The following TOM1L2 variants were observed in gnomAD, a reference collection of about 807,000 sequenced individuals.
TOM1L2 encodes the protein TOM1-like protein 2.
A neutral mutation model predicts 67.9 loss-of-function variants in TOM1L2; 31 were observed. The ratio of observed to expected loss-of-function variants is 0.46; its 90% confidence interval spans 0.34 to 0.62. TOM1L2 has a LOEUF of 0.62. Among genes scored for constraint, TOM1L2 ranks in the 20% least tolerant of loss-of-function variants. TOM1L2 has a pLI of 0.01. For synonymous variants in TOM1L2, 256 were observed against 254.0 expected, an observed-to-expected ratio of 1.01 and a Z score of -0.07; for missense variants, 606 against 663.5, an observed-to-expected ratio of 0.91 and a Z score of 0.95.
At position 17,913,634 on chromosome 17, in the gene TOM1L2, T is replaced by C. The variant is rs562488071; in HGVS notation, c.53-6103A>G. The stretch of plus-strand genomic sequence containing the variant: ...TCTGCAAAATGAAAAGAAAGAAGCA[T>C]TCTTTTTGGGTTGGTTCTTTATAAT... On this transcript the variant is annotated intron_variant, in intron 1 of 14. Coordinates refer to ENST00000379504, the MANE Select transcript of TOM1L2 (RefSeq NM_001082968.2). Among the ~76,000 whole-genome samples the C allele has an allele frequency of 2.6e-5, 4 of 152,284 alleles. No individual in the cohort carries two copies. The South Asian group carries it at 8.3e-4, about 32-fold the overall frequency.
intron 7 of TOM1L2, 57 bp from the exon 8 acceptor site, chr17:17,869,530 ATCTCCTTTG>A: frequency 6.5e-7 from 1 of 1,536,966 alleles, no homozygotes; most frequent in Non-Finnish European, 8.7e-7. Flanking sequence ...GTCACATTCT[ATCTCCTTTG>A]AAAAAATTTG....
chr17:17,875,364 T>A (rs1445200469), intron 7 of TOM1L2, among the ~76,000 whole-genome samples: 1 of 151,788 alleles, frequency 6.6e-6, no homozygotes, highest in African/African-American at 2.4e-5. Flanking sequence ...CACCTGCATG[T>A]CCTCTGTGGT....
chr17:17,968,914 C>T (rs1168411135), intron 1 of TOM1L2, among the ~76,000 whole-genome samples: 1 of 152,264 alleles, frequency 6.6e-6, no homozygotes, highest in Non-Finnish European at 1.5e-5. Flanking sequence ...AGAAGCCAGT[C>T]CCTGTCACCC....
intron 8 of TOM1L2, among the ~76,000 whole-genome samples, chr17:17,867,152 G>A (rs1342307772): frequency 6.6e-6 from 1 of 152,140 alleles, no homozygotes; most frequent in East Asian, 1.9e-4. Flanking sequence ...TCAGAAAGGG[G>A]TGGTGGCTGG....
chr17:17,948,530 T>C (rs1011319949), intron 1 of TOM1L2, among the ~76,000 whole-genome samples: 2 of 152,154 alleles, frequency 1.3e-5, no homozygotes, highest in Non-Finnish European at 2.9e-5. Context: ...TGCACGTCTG[T>C]AATCCCAGCT....
At chr17:17,851,037 A>G in intron 12 of TOM1L2, 85 bp from the exon 13 acceptor site, 1 of 1,499,160 alleles carries the variant, frequency 6.7e-7, no homozygotes, top group African/African-American at 1.4e-5. Flanking sequence ...GAAATCATCA[A>G]CAGCAACCCC....
rs535054363 is a variant in TOM1L2, at chr17:17,948,468, G to C, written c.52+23794C>G. Among the ~76,000 whole-genome samples the C allele has an allele frequency of 3.4e-4, 52 of 152,256 alleles. No homozygotes were observed. In the South Asian group the frequency reaches 6.4e-3, roughly 19 times the overall value. ...TTGAGACCAGCTTGGCCAACATGGT[G>C]AAACCCCGTCTCTACTAAAAATACA... is the stretch of plus-strand genomic sequence containing the variant. On this transcript the variant is annotated intron_variant, in intron 1 of 14. Coordinates refer to ENST00000379504, the MANE Select transcript of TOM1L2 (RefSeq NM_001082968.2).
chr17:17,891,801 G>GTT (rs2038295478), intron 4 of TOM1L2, among the ~76,000 whole-genome samples: 1 of 151,774 alleles, frequency 6.6e-6, no homozygotes, highest in South Asian at 2.1e-4. Context: ...GTGTGTGTGT[G>GTT]TGTGTGTGTG....
intron 1 of TOM1L2, among the ~76,000 whole-genome samples, chr17:17,951,018 A>T (rs531921572): frequency 3.3e-5 from 5 of 152,234 alleles, no homozygotes; most frequent in African/African-American, 4.8e-5. Context: ...CCCTGGCAGG[A>T]TGTCTCCAGG....
At chr17:17,904,705 C>T (rs746743519) in intron 2 of TOM1L2, among the ~76,000 whole-genome samples, 9 of 152,310 alleles carry the variant, frequency 5.9e-5, no homozygotes, top group Non-Finnish European at 1.2e-4. Flanking sequence ...CTGACCTTGA[C>T]TACCTTTCCA....
Position 17,846,768 on chromosome 17 carries a change from C to T in TOM1L2, c.*867G>A, listed in dbSNP as rs1176486871. The stretch of plus-strand genomic sequence containing the variant: ...CATGTGCACATCTGTGACACTTCCC[C>T]AGGCAAGCCAGAGCAATACCTCCAG... On this transcript the variant is annotated 3_prime_UTR_variant, in exon 15 of 15. Transcript: ENST00000379504. The T allele has an allele frequency of 6.6e-6, 1 of 152,470 alleles. No homozygotes were observed. The highest frequency in any genetic ancestry group is 2.4e-5 in the African/African-American group (1 of 41,476). 9.4% of individuals were successfully genotyped at this position (152,470 alleles called of 1,614,324 possible). A position where few individuals can be genotyped will look rare whatever the true frequency, so the allele number is the denominator to read the frequency against.
intron 1 of TOM1L2, among the ~76,000 whole-genome samples, chr17:17,912,184 G>A (rs570462959): frequency 3.3e-5 from 5 of 152,350 alleles, no homozygotes; most frequent in South Asian, 2.1e-4. Context: ...CCTCCCAGAC[G>A]GGGTGGTGGC....
At chr17:17,917,093 G>C (rs1413406142) in intron 1 of TOM1L2, among the ~76,000 whole-genome samples, 1 of 152,212 alleles carries the variant, frequency 6.6e-6, no homozygotes, top group Non-Finnish European at 1.5e-5. Context: ...TCAGCAGGCA[G>C]AGGTTGCAAT....
intron 1 of TOM1L2, among the ~76,000 whole-genome samples, chr17:17,935,126 CTTGCCCACAA>C: frequency 6.6e-6 from 1 of 152,238 alleles, no homozygotes; most frequent in East Asian, 1.9e-4. Context: ...TCGGCAAACC[CTTGCCCACAA>C]TTTCCTCAGG....
intron 7 of TOM1L2, 27 bp downstream of exon 7, chr17:17,879,600 G>A (rs1441536987): frequency 6.3e-7 from 1 of 1,579,638 alleles, no homozygotes; most frequent in Non-Finnish European, 8.7e-7. Flanking sequence ...GCCACCACAG[G>A]CCAAGTGCTT....
chr17:17,905,495 C>T (rs1421181416), intron 2 of TOM1L2, among the ~76,000 whole-genome samples: 1 of 152,234 alleles, frequency 6.6e-6, no homozygotes, highest in Non-Finnish European at 1.5e-5. Flanking sequence ...TAATCATCAT[C>T]TCACACCAGT....
In TOM1L2 at chr17:17,848,849, T is replaced by G; in HGVS notation, c.1349A>C (p.Asp450Ala). Residue 450 changes from aspartate to alanine, a missense_variant, in exon 14 of 15, where the codon GAT becomes GCT. Transcript: ENST00000379504. ...TTCACTTGTGACACCCTCCTCCAGA[T>G]CATCACCCTTCTGTGGGAGGAGCAG... The part of the protein sequence containing the change: ...VWLRTDLKGD[D>A]LEEGVTSEEF... 6.2e-7 allele frequency: 1 copy of G among 1,614,118 alleles called. No individual in the cohort carries two copies.
intron 6 of TOM1L2, among the ~76,000 whole-genome samples, chr17:17,882,093 A>C (rs2037755113): frequency 6.6e-6 from 1 of 152,220 alleles, no homozygotes; most frequent in Admixed American, 6.5e-5. Context: ...GTTTATCAGG[A>C]AGTAACCCGG....
intron 3 of TOM1L2, 90 bp downstream of exon 3, chr17:17,898,506 G>T: frequency 7.5e-7 from 1 of 1,341,046 alleles, no homozygotes; most frequent in Non-Finnish European, 1.1e-6. Flanking sequence ...GTTGTGCTAA[G>T]TGGGCAGAGG....
Sources: gnomAD v4.1 joint callset for allele counts (sites outside exome capture counted in the v4.1 genomes callset) on GRCh38, gnomAD v4.1.1 for gene constraint, MANE v1.5 for transcripts, NCBI Gene and HGNC (gene_info 2026-07-23, HGNC 2026-07-21) for gene names.